Variants in WDR45B observed in about 807,000 individuals in gnomAD.
The protein encoded by WDR45B is WD repeat domain phosphoinositide-interacting protein 3.
WDR45B carries 20 observed loss-of-function variants against 44.6 expected under a neutral mutation model. That is an observed-to-expected ratio of 0.45 (90% CI 0.32 to 0.65). WDR45B has a LOEUF of 0.65. WDR45B is among the 30% of genes least tolerant of loss of function. The pLI, the probability that WDR45B is intolerant of heterozygous loss-of-function variation, is 0.05. For synonymous variants in WDR45B, 169 were observed against 164.9 expected (o/e 1.02, Z -0.19); for missense variants, 323 against 430.2 (o/e 0.75, Z 2.20).
Position 82,615,631 on chromosome 17 carries a change from G to C in WDR45B, c.*288C>G, listed in dbSNP as rs1372884664. On this transcript the variant is annotated 3_prime_UTR_variant, in exon 10 of 10. Transcript: ENST00000392325. ...GGAGCCCCCGTCAGTGTGAGGATGC[G>C]GCGGAGCCACTGAAGCTAACGTCAC... 2.1e-6 allele frequency: 1 copy of C among 472,450 alleles called. No individual in the cohort carries two copies. The highest frequency in any genetic ancestry group is 3.9e-6 in the Non-Finnish European group (1 of 255,758). 29.3% of individuals were successfully genotyped at this position (472,450 alleles called of 1,614,324 possible).
chr17:82,621,740 T>C lies in WDR45B; in HGVS notation c.487A>G (p.Thr163Ala), dbSNP rs757259470. Residue 163 changes from threonine (T) to alanine (A), a missense_variant, in exon 6 of 10, where the codon ACG (threonine) becomes GCG (alanine). Physicochemically the swap from Thr to Ala is moderately conservative, Grantham distance 58 (BLOSUM62 0). Transcript: ENST00000392325. ...NSLLAFPGTHTGHVQLVDLAS... is the reference protein window; with the variant it reads ...NSLLAFPGTHAGHVQLVDLAS... ...AGGTCCACAAGCTGCACATGGCCCG[T>C]GTGCGTGCCCGGAAAGGCCAGGAGG... The C allele has an allele frequency of 6.2e-7, 1 of 1,614,168 alleles. No individual in the cohort carries two copies. Among genetic ancestry groups the C allele is most frequent in the Non-Finnish European group, 8.5e-7 (1 of 1,180,030 alleles).
intron 2 of WDR45B, among the ~76,000 whole-genome samples, chr17:82,634,150 C>CAAAAAAAAAAAA (rs36183298): frequency 1.0e-3 from 32 of 31,908 alleles, no homozygotes; most frequent in East Asian, 4.8e-3. Flanking sequence ...GACTCCATCT[C>CAAAAAAAAAAAA]AAAAAAAAAA....
rs1331831672 is a variant in WDR45B, at chr17:82,621,499, C to CA, written c.618+109dup. 2.0e-5 allele frequency: 29 copies of CA among 1,436,440 alleles called. No individual in the cohort carries two copies. In the Middle Eastern group the frequency reaches 9.6e-4, roughly 47 times the overall value. The allele number at this position is 1,436,440 out of a possible 1,614,324, so 89.0% of individuals were successfully genotyped here. On this transcript the variant is annotated intron_variant, in intron 6 of 9. Transcript: ENST00000392325. The stretch of plus-strand genomic sequence containing the variant: ...AGGTCCACAGGCCCCTGAGGGGCTC[C>CA]AGGTTGGGGCAGGCCCACTGCCTTT...
At chr17:82,620,501 G>C (rs967870395) in intron 6 of WDR45B, among the ~76,000 whole-genome samples, 10 of 152,168 alleles carry the variant, frequency 6.6e-5, no homozygotes, top group Non-Finnish European at 1.3e-4. Flanking sequence ...TGAGTCCCAG[G>C]AGTGAGCGGG....
intron 2 of WDR45B, among the ~76,000 whole-genome samples, chr17:82,638,214 A>G (rs533740970): frequency 2.0e-4 from 5 of 24,740 alleles, no homozygotes; most frequent in Middle Eastern, 0.028. Flanking sequence ...GGGGAGGGAA[A>G]GGGAGGGGAG....
chr17:82,643,849 C>T (rs1257320129), intron 2 of WDR45B, 100 bp downstream of exon 2: 3 of 1,201,230 alleles, frequency 2.5e-6, no homozygotes, highest in South Asian at 2.6e-5. Context: ...ATTTACTTCT[C>T]GAAAACAGCC....
At chr17:82,617,213 G>T (rs933773056) in intron 8 of WDR45B, 83 bp downstream of exon 8, 28 of 1,257,184 alleles carry the variant, frequency 2.2e-5, no homozygotes, top group African/African-American at 2.2e-4. Flanking sequence ...CTGCTGGGGT[G>T]GGGGGCCTGT....
At chr17:82,640,143 G>A (rs752567036) in intron 2 of WDR45B, among the ~76,000 whole-genome samples, 4 of 152,166 alleles carry the variant, frequency 2.6e-5, no homozygotes, top group Non-Finnish European at 5.9e-5. Flanking sequence ...CCTGCCAAGT[G>A]GCAGAAGGCG....
chr17:82,624,331 G>A (rs938497719), intron 5 of WDR45B, among the ~76,000 whole-genome samples: 4 of 152,090 alleles, frequency 2.6e-5, no homozygotes, highest in Non-Finnish European at 4.4e-5. Context: ...GCACAATCTC[G>A]GCTCACCGCA....
At position 82,639,788 on chromosome 17, in the gene WDR45B, G is replaced by A. The variant is rs935457217; in HGVS notation, c.142+4161C>T. ...CGGGCTGCTGGGCTGTGTGTGTGTG[G>A]GGTCGGGAGGGCTGCTGGGCTGTGT... is the stretch of plus-strand genomic sequence containing the variant. On this transcript the variant is annotated intron_variant, in intron 2 of 9. Coordinates refer to ENST00000392325, the MANE Select transcript of WDR45B (RefSeq NM_019613.4). Among the ~76,000 whole-genome samples the A allele has an allele frequency of 5.5e-5, 8 of 146,664 alleles. No homozygotes were observed. In the East Asian group the frequency reaches 1.2e-3, roughly 22 times the overall value.
At position 82,616,658 on chromosome 17, in the gene WDR45B, G is replaced by A; in HGVS notation, c.807-13C>T. On this transcript the variant is annotated splice_polypyrimidine_tract_variant and intron_variant, in intron 8 of 9. Transcript: ENST00000392325. ...GGCTGAGGCCAAACTGTGAAGACAA[G>A]AAAAGAAAGGGTGGTTCAAAGTTTA... The A allele has an allele frequency of 6.2e-7, 1 of 1,613,984 alleles. No homozygotes were observed. Among genetic ancestry groups the A allele is most frequent in the Non-Finnish European group, 8.5e-7 (1 of 1,179,930 alleles).
At chr17:82,632,531 T>C (rs1258983325) in intron 2 of WDR45B, among the ~76,000 whole-genome samples, 1 of 152,056 alleles carries the variant, frequency 6.6e-6, no homozygotes, top group Non-Finnish European at 1.5e-5. Flanking sequence ...AGGTCTTCCA[T>C]GACAAAAGGA....
intron 5 of WDR45B, among the ~76,000 whole-genome samples, chr17:82,622,179 A>C (rs1326345374): frequency 6.6e-6 from 1 of 152,198 alleles, no homozygotes; most frequent in South Asian, 2.1e-4. Context: ...CAACAGCGTA[A>C]AAATATTAAA....
chr17:82,617,145 T>C (rs1283870750), intron 8 of WDR45B, 151 bp downstream of exon 8: 3 of 761,794 alleles, frequency 3.9e-6, no homozygotes, highest in East Asian at 2.8e-5. Context: ...CCAACAAATA[T>C]AAAATTAAAT....
rs1449882399 is a variant in WDR45B at position 82,617,373 on chromosome 17, G to T, written c.729C>A (p.Ser243=). The T allele has an allele frequency of 1.2e-6, 2 of 1,614,102 alleles. No homozygotes were observed. The highest frequency in any genetic ancestry group is 1.7e-5 in the Admixed American group (1 of 60,006). The change falls in exon 8 of 10, where the codon TCC becomes TCA. Residue 243 remains serine, a synonymous_variant. Transcript: ENST00000392325. ...CGTGGTCGCTGGATACGCAGATGAG[G>T]GACGCATCCTGATTGAAGTTGATGC... ...IYCINFNQDA[S]LICVSSDHGT...
At chr17:82,616,444 T>C (rs2045536515) in intron 9 of WDR45B, 80 bp downstream of exon 9, 4 of 1,607,824 alleles carry the variant, frequency 2.5e-6, no homozygotes, top group Admixed American at 3.3e-5. Context: ...GGGACGTCCA[T>C]GGGAAGTTAG....
intron 4 of WDR45B, 173 bp from the exon 5 acceptor site, chr17:82,625,656 G>A (rs73355329): frequency 4.5e-5 from 30 of 671,394 alleles, no homozygotes; most frequent in East Asian, 2.3e-4. Context: ...CCTGGAGCTC[G>A]GCGAGTGCAC....
At chr17:82,627,107 T>C (rs2045707844) in intron 4 of WDR45B, 97 bp downstream of exon 4, 1 of 1,007,164 alleles carries the variant, frequency 9.9e-7, no homozygotes, top group Non-Finnish European at 1.6e-6. Context: ...TAATACATCA[T>C]TTCCTAAACA....
intron 4 of WDR45B, 74 bp from the exon 5 acceptor site, chr17:82,625,557 C>A (rs2045684793): frequency 6.0e-6 from 8 of 1,328,570 alleles, no homozygotes; most frequent in Non-Finnish European, 8.6e-6. Context: ...CTGTTCTTAT[C>A]ATACTGAAAC....
Sources: allele counts gnomAD v4.1 joint callset (sites outside exome capture counted in the v4.1 genomes callset), GRCh38; gene constraint gnomAD v4.1.1; transcripts MANE v1.5; gene names NCBI Gene and HGNC (gene_info 2026-07-23, HGNC 2026-07-21).